The following NDUFA10 variants were observed in gnomAD, a reference collection of about 807,000 sequenced individuals.
NDUFA10 encodes the protein NADH dehydrogenase [ubiquinone] 1 alpha subcomplex subunit 10, mitochondrial.
A neutral mutation model predicts 47.8 loss-of-function variants in NDUFA10; 40 were observed. The ratio of observed to expected loss-of-function variants is 0.84; its 90% CI spans 0.65 to 1.09. The LOEUF (loss-of-function observed/expected upper bound fraction) is 1.09. NDUFA10 is among the 50% of genes least tolerant of loss of function. NDUFA10 has a pLI of 0.00. For synonymous variants in NDUFA10, 183 were observed against 172.2 expected (o/e 1.06, Z -0.49); for missense variants, 413 against 451.1 (o/e 0.92, Z 0.76).
intron 9 of NDUFA10, among the ~76,000 whole-genome samples, chr2:239,975,094 G>A (rs1354958630): frequency 1.3e-5 from 2 of 151,660 alleles, no homozygotes; most frequent in South Asian, 2.1e-4. Context: ...GTGACACTCC[G>A]CCACCAAAGA....
chr2:239,963,964 G>T (rs1422979411), intron 9 of NDUFA10, among the ~76,000 whole-genome samples: 1 of 152,334 alleles, frequency 6.6e-6, no homozygotes, highest in East Asian at 1.9e-4. Flanking sequence ...GAGGAGCGGG[G>T]TGGGAAAAGA....
In NDUFA10 at chr2:239,928,631, G is replaced by A. The variant is rs1054203112; in HGVS notation, c.295-33317C>T. Among the ~76,000 whole-genome samples, 1 of 152,104 alleles carries A rather than the reference G, an allele frequency of 6.6e-6. No individual in the cohort carries two copies. Among genetic ancestry groups the A allele is most frequent in the Non-Finnish European group, 1.5e-5 (1 of 68,020 alleles). On this transcript the variant is annotated intron_variant, in intron 4 of 5. Coordinates refer to the NDUFA10 transcript ENST00000419408. This position sits in a 1 kb window ranked among gnomAD's most constrained non-coding sequence, Gnocchi z 4.3. Reference sequence around the variant, plus strand: ...AGGTGACCTCATCCAGGGCCCTGGGGGACACTCTCACCTGTGATTCCCAAG... The same window carrying A: ...AGGTGACCTCATCCAGGGCCCTGGGAGACACTCTCACCTGTGATTCCCAAG...
intron 4 of NDUFA10, among the ~76,000 whole-genome samples, chr2:239,947,617 C>T (rs1694476565): frequency 6.6e-6 from 1 of 152,226 alleles, no homozygotes; most frequent in African/African-American, 2.4e-5. Flanking sequence ...CGCCGAGCCC[C>T]AGGCCTCCAG....
intron 4 of NDUFA10, among the ~76,000 whole-genome samples, chr2:239,897,770 G>C (rs1214349990): frequency 6.6e-6 from 1 of 152,110 alleles, no homozygotes; most frequent in Non-Finnish European, 1.5e-5. Context: ...GAAGACTGAT[G>C]GCCGCCCTGG....
At chr2:239,902,970 G>A (rs1382814805) in intron 4 of NDUFA10, among the ~76,000 whole-genome samples, 7 of 152,176 alleles carry the variant, frequency 4.6e-5, no homozygotes, top group African/African-American at 1.7e-4. Context: ...GTTGGCCATT[G>A]CACTCAATCT....
chr2:239,910,264 G>A (rs569785698), intron 4 of NDUFA10, among the ~76,000 whole-genome samples: 3 of 152,296 alleles, frequency 2.0e-5, no homozygotes, highest in Admixed American at 6.5e-5. Flanking sequence ...ACACATGCAC[G>A]TGTATGTTCA....
chr2:239,969,796 T>C, intron 9 of NDUFA10: 1 of 471,094 alleles, frequency 2.1e-6, no homozygotes, highest in South Asian at 1.5e-5. Flanking sequence ...CAGCATATCA[T>C]ACACCCACAG....
chr2:239,915,353 A>G (rs1327354553), intron 4 of NDUFA10, among the ~76,000 whole-genome samples: 1 of 150,636 alleles, frequency 6.6e-6, no homozygotes, highest in Admixed American at 6.6e-5. Context: ...ACTCAGACAC[A>G]CACAAATATA....
chr2:239,995,500 T>C (rs919759870), intron 8 of NDUFA10, among the ~76,000 whole-genome samples: 1 of 152,092 alleles, frequency 6.6e-6, no homozygotes, highest in African/African-American at 2.4e-5. Flanking sequence ...GAGAATCTTA[T>C]AAAATGCTCA....
rs934524860 is a variant in NDUFA10, at chr2:240,016,125, T to C, written c.548-1265A>G. ...CCTCACTCTAGAGGCAACTGTGGGATGAGCCTTTGGCTCAGGGTCAGGAAC... is the reference window on the plus strand; with the variant it reads ...CCTCACTCTAGAGGCAACTGTGGGACGAGCCTTTGGCTCAGGGTCAGGAAC... On this transcript the variant is annotated intron_variant, in intron 4 of 9. Coordinates refer to ENST00000252711, the MANE Select transcript of NDUFA10 (RefSeq NM_004544.4). This position sits in a 1 kb window ranked among gnomAD's most constrained non-coding sequence, Gnocchi z 4.4. Among the ~76,000 whole-genome samples the C allele has an allele frequency of 2.6e-5, 4 of 152,056 alleles. No individual in the cohort carries two copies. Among genetic ancestry groups the C allele is most frequent in the Non-Finnish European group, 5.9e-5 (4 of 68,020 alleles).
chr2:239,908,019 T>C (rs1353228659), intron 4 of NDUFA10, among the ~76,000 whole-genome samples: 4 of 152,124 alleles, frequency 2.6e-5, no homozygotes, highest in Non-Finnish European at 5.9e-5. Flanking sequence ...AATGATAGAC[T>C]GGATTAAGAA....
chr2:240,003,943 A>G (rs1011644474), intron 8 of NDUFA10, among the ~76,000 whole-genome samples: 1 of 152,206 alleles, frequency 6.6e-6, no homozygotes, highest in East Asian at 1.9e-4. Flanking sequence ...TGTGCAGGGT[A>G]AAGGTCTGGG....
chr2:239,931,646 T>A (rs1407071002), intron 4 of NDUFA10, among the ~76,000 whole-genome samples: 2 of 152,176 alleles, frequency 1.3e-5, no homozygotes, highest in Non-Finnish European at 2.9e-5. Context: ...AGTCAGTGTT[T>A]ACTCAGTGAA....
chr2:239,899,561 G>T (rs911409714), intron 4 of NDUFA10, among the ~76,000 whole-genome samples: 3 of 151,918 alleles, frequency 2.0e-5, no homozygotes. Context: ...AGAGCTTCCA[G>T]GCCAGGTACC....
Position 239,959,350 on chromosome 2 carries a change from G to T in NDUFA10, c.*1768C>A. 3 of 985,438 alleles carry T rather than the reference G, an allele frequency of 3.0e-6. No homozygotes were observed. The highest frequency in any genetic ancestry group is 3.5e-5 in the African/African-American group (2 of 57,356). 61.0% of individuals were successfully genotyped at this position (985,438 alleles called of 1,614,324 possible). On this transcript the variant is annotated 3_prime_UTR_variant, in exon 10 of 10. Transcript: ENST00000252711. Reference sequence around the variant, plus strand: ...GGACACTACCCGTGCAACCACCAAGGTTGAAGGAAACAGCTAGCTCTTTGC... The same window carrying T: ...GGACACTACCCGTGCAACCACCAAGTTTGAAGGAAACAGCTAGCTCTTTGC...
chr2:239,970,155 G>T (rs958938962), intron 9 of NDUFA10, among the ~76,000 whole-genome samples: 10 of 151,904 alleles, frequency 6.6e-5, no homozygotes, highest in Non-Finnish European at 1.3e-4. Context: ...ACAACCAAAG[G>T]GAAAAAAGGT....
rs1694832707 is a variant in NDUFA10, at chr2:239,961,055, G to A, written c.*63C>T. On this transcript the variant is annotated 3_prime_UTR_variant, in exon 10 of 10. Coordinates refer to ENST00000252711, the MANE Select transcript of NDUFA10 (RefSeq NM_004544.4). ...CGATCTTAAAGCTATATGGCGTCCA[G>A]GAGAGTGCGGCTGATGCAGCTTGGC... is the stretch of plus-strand genomic sequence containing the variant. The A allele has an allele frequency of 2.5e-6, 4 of 1,611,888 alleles. No individual in the cohort carries two copies. Among genetic ancestry groups the A allele is most frequent in the Non-Finnish European group, 3.4e-6 (4 of 1,179,168 alleles).
At chr2:239,944,883 G>A (rs564257863) in intron 4 of NDUFA10, among the ~76,000 whole-genome samples, 3 of 152,264 alleles carry the variant, frequency 2.0e-5, no homozygotes, top group East Asian at 1.9e-4. Flanking sequence ...GCCACCATCC[G>A]CAATAGAAGG....
rs1186455734 is a variant in NDUFA10 at position 240,019,775 on chromosome 2, C to CGCCACT, written c.461-1142_461-1137dup. ...CGGAGCTTGCAGTGAGCCGAGATCC[C>CGCCACT]GCCACTGCACTCCAGCCTGGGCGAC... On this transcript the variant is annotated intron_variant, in intron 3 of 9. Transcript: ENST00000252711. Among the ~76,000 whole-genome samples the CGCCACT allele has an allele frequency of 4.2e-3, 110 of 26,446 alleles. 25 individuals are homozygous for CGCCACT. Among genetic ancestry groups the CGCCACT allele is most frequent in the Non-Finnish European group, 7.8e-3 (98 of 12,528 alleles). 17.3% of individuals were successfully genotyped at this position (26,446 alleles called of 152,430 possible).
Sources: gnomAD v4.1 joint callset for allele counts (sites outside exome capture counted in the v4.1 genomes callset) on GRCh38, gnomAD v4.1.1 for gene constraint, Gnocchi (gnomAD v3.1) non-coding constraint, MANE v1.5 for transcripts, NCBI Gene and HGNC (gene_info 2026-07-23, HGNC 2026-07-21) for gene names.